Variants in CELSR1 observed in about 807,000 individuals in gnomAD.
CELSR1 encodes the protein adhesion G protein-coupled receptor C1.
CELSR1 carries 110 observed loss-of-function variants against 249.1 expected under a neutral mutation model. The observed-to-expected ratio is 0.44, with a 90% CI of 0.38 to 0.52. CELSR1 has a LOEUF of 0.52. Ranked by LOEUF, CELSR1 falls within the 20% of genes least tolerant of loss-of-function variation. The pLI is 0.00. For synonymous variants in CELSR1, 2,113 were observed against 1,900.0 expected, an observed-to-expected ratio of 1.11 and a Z score of -2.92; for missense variants, 4,109 against 4,296.4, an observed-to-expected ratio of 0.96 and a Z score of 1.22.
intron 19 of CELSR1, among the ~76,000 whole-genome samples, chr22:46,385,725 T>TGC (rs2079025471): frequency 6.7e-6 from 1 of 149,732 alleles, no homozygotes; most frequent in Non-Finnish European, 1.5e-5. Flanking sequence ...TCGCCCAGGC[T>TGC]GGAGTGCAGT....
Position 46,434,716 on chromosome 22 carries a change from G to A in CELSR1, c.4523-1235C>T, listed in dbSNP as rs1483887307. Among the ~76,000 whole-genome samples the A allele has an allele frequency of 5.3e-5, 8 of 152,210 alleles. No individual in the cohort carries two copies. The highest frequency in any genetic ancestry group is 1.5e-5 in the Non-Finnish European group (1 of 68,038). On this transcript the variant is annotated intron_variant, in intron 4 of 34. Transcript: ENST00000674500. This position sits in a 1 kb window ranked among gnomAD's most constrained non-coding sequence, Gnocchi z 4.9. ...CACTCCTGAAAGTCAAGTGTGCCAGGCTGAGCCTGGTGGCTCACATCTGTA... is the reference window on the plus strand; with the variant it reads ...CACTCCTGAAAGTCAAGTGTGCCAGACTGAGCCTGGTGGCTCACATCTGTA...
At chr22:46,457,105 G>C (rs1174848594) in intron 2 of CELSR1, among the ~76,000 whole-genome samples, 1 of 152,226 alleles carries the variant, frequency 6.6e-6, no homozygotes, top group Non-Finnish European at 1.5e-5. Context: ...ACAGCACTTT[G>C]GGAGGCCGAG....
chr22:46,367,972 C>G (rs2078806600), intron 27 of CELSR1, 117 bp from the exon 28 acceptor site: 3 of 1,348,806 alleles, frequency 2.2e-6, no homozygotes, highest in Non-Finnish European at 3.0e-6. Flanking sequence ...ATCTGTCCGT[C>G]CACCTGTCCA....
chr22:46,483,336 A>G (rs5768814), intron 1 of CELSR1, among the ~76,000 whole-genome samples: 130,080 of 150,060 alleles, frequency 0.87, 56,636 homozygotes, highest in East Asian at 1. Context: ...TCTAGGGCGC[A>G]GTCCTCACAG....
chr22:46,400,851 C>G (rs1183903716), intron 9 of CELSR1, among the ~76,000 whole-genome samples: 1 of 151,722 alleles, frequency 6.6e-6, no homozygotes, highest in East Asian at 1.9e-4. Flanking sequence ...ACTTGGGAGG[C>G]TGAGGTGGAA....
intron 2 of CELSR1, among the ~76,000 whole-genome samples, chr22:46,460,631 G>A (rs906731679): frequency 2.0e-5 from 3 of 152,302 alleles, no homozygotes; most frequent in Non-Finnish European, 1.5e-5. Context: ...TGCCTCTCAG[G>A]GTTGTTTAGG....
chr22:46,370,274 T>A, intron 25 of CELSR1: 2 of 381,652 alleles, frequency 5.2e-6, no homozygotes, highest in South Asian at 3.8e-5. Flanking sequence ...GGAACGCATA[T>A]ACCCCCATAC....
Position 46,436,289 on chromosome 22 carries a change from C to T in CELSR1, c.4407G>A (p.Thr1469=). ...RQRFHFTISL[T]FATQERNGLL... The stretch of plus-strand genomic sequence containing the variant: ...AGCCGTTCCTTTCCTGAGTGGCAAA[C>T]CTGTGGGGCCAAGCAGAGGCACATC... Residue 1469 remains threonine, a splice_region_variant and synonymous_variant, in exon 4 of 35, where the codon ACG becomes ACA. Coordinates refer to ENST00000674500, the MANE Select transcript of CELSR1 (RefSeq NM_001378328.1). This position sits in a 1 kb window ranked among gnomAD's most constrained non-coding sequence, Gnocchi z 5.9. 2.5e-6 allele frequency: 4 copies of T among 1,612,996 alleles called. No individual in the cohort carries two copies. Among genetic ancestry groups the T allele is most frequent in the Middle Eastern group, 1.7e-4 (1 of 6,060 alleles).
At chr22:46,455,648 C>A (rs145900668) in intron 2 of CELSR1, among the ~76,000 whole-genome samples, 1 of 152,178 alleles carries the variant, frequency 6.6e-6, no homozygotes, top group African/African-American at 2.4e-5. Flanking sequence ...TTGTGCCGAT[C>A]GGTTACAGCA....
intron 1 of CELSR1, among the ~76,000 whole-genome samples, chr22:46,477,796 G>C (rs2080224740): frequency 6.6e-6 from 1 of 152,148 alleles, no homozygotes. Context: ...TTGAGCCACG[G>C]CACCTGGCCA....
At chr22:46,458,224 C>G (rs1394801081) in intron 2 of CELSR1, among the ~76,000 whole-genome samples, 1 of 152,154 alleles carries the variant, frequency 6.6e-6, no homozygotes, top group Non-Finnish European at 1.5e-5. Context: ...AGAGTGACCT[C>G]AGCCTGGGGA....
chr22:46,455,682 G>A (rs983921352), intron 2 of CELSR1, among the ~76,000 whole-genome samples: 2 of 152,174 alleles, frequency 1.3e-5, no homozygotes, highest in East Asian at 1.9e-4. Flanking sequence ...CACGGAAGCC[G>A]GAGGAGGACT....
At chr22:46,386,288 G>T in intron 19 of CELSR1, 114 bp downstream of exon 19, 2 of 1,208,220 alleles carry the variant, frequency 1.7e-6, no homozygotes, top group African/African-American at 1.6e-5. Context: ...ATTTTTCTAA[G>T]AGCATGGCCA....
In CELSR1 at chr22:46,412,647, C is replaced by A. The variant is rs2079351880; in HGVS notation, c.4612-888G>T. Among the ~76,000 whole-genome samples, 1 of 152,190 alleles carries A rather than the reference C, an allele frequency of 6.6e-6. No homozygotes were observed. The highest frequency in any genetic ancestry group is 2.1e-4 in the South Asian group (1 of 4,830). On this transcript the variant is annotated intron_variant, in intron 5 of 34. Coordinates refer to ENST00000674500, the MANE Select transcript of CELSR1 (RefSeq NM_001378328.1). The surrounding 1 kb of genome is among the most constrained non-coding windows in gnomAD (Gnocchi z 4.5). ...CTTTCCCCAGACAGCCCTCGCAGGT[C>A]TCAGCTCCTGGTCAGTCCCTCCCAG...
In CELSR1 at chr22:46,535,769, C is replaced by G. The variant is rs1485103527; in HGVS notation, c.1402G>C (p.Val468Leu). 2 of 1,612,562 alleles carry G rather than the reference C, an allele frequency of 1.2e-6. No homozygotes were observed. The highest frequency in any genetic ancestry group is 1.7e-5 in the Admixed American group (1 of 60,018). ...GTGTTGAGCCCCACGTCCTCGGGCACCTGGACCACGTAGTTCTGCTCGCTG... is the reference window on the plus strand; with the variant it reads ...GTGTTGAGCCCCACGTCCTCGGGCAGCTGGACCACGTAGTTCTGCTCGCTG... ...QFSEQNYVVQ[V>L]PEDVGLNTAV... Residue 468 changes from valine (V) to leucine (L), a missense_variant, in exon 1 of 35, where the codon GTG becomes CTG. Coordinates refer to ENST00000674500, the MANE Select transcript of CELSR1 (RefSeq NM_001378328.1).
At chr22:46,501,251 G>A (rs1227754686) in intron 1 of CELSR1, among the ~76,000 whole-genome samples, 4 of 139,678 alleles carry the variant, frequency 2.9e-5, no homozygotes, top group Non-Finnish European at 6.0e-5. Context: ...CTGTTGCCCT[G>A]GCTGGAGTGC....
chr22:46,433,285 T>C lies in CELSR1; in HGVS notation c.4611+108A>G. The stretch of plus-strand genomic sequence containing the variant: ...CCTGACCTCAGGTAATCCACCTGCC[T>C]TGGCCTCTCAAAGTGCTGGGATTAC... On this transcript the variant is annotated intron_variant, in intron 5 of 34. Transcript: ENST00000674500. The surrounding 1 kb of genome is among the most constrained non-coding windows in gnomAD (Gnocchi z 5.7). 5.2e-6 allele frequency: 4 copies of C among 773,010 alleles called. No individual in the cohort carries two copies. Among genetic ancestry groups the C allele is most frequent in the Non-Finnish European group, 8.4e-6 (4 of 475,716 alleles). 47.9% of individuals were successfully genotyped at this position (773,010 alleles called of 1,614,324 possible).
chr22:46,537,015 C>A lies in CELSR1; in HGVS notation c.156G>T (p.Val52=). 1 of 1,107,798 alleles carries A rather than the reference C, an allele frequency of 9.0e-7. No individual in the cohort carries two copies. 68.6% of individuals were successfully genotyped at this position (1,107,798 alleles called of 1,614,324 possible). The change falls in exon 1 of 35, where the codon GTG becomes GTT. Residue 52 remains valine, a synonymous_variant. Coordinates refer to ENST00000674500, the MANE Select transcript of CELSR1 (RefSeq NM_001378328.1). The surrounding 1 kb of genome is among the most constrained non-coding windows in gnomAD (Gnocchi z 5.8). ...GCGCCCGGGGCGTGCAAGCGGCGCC[C>A]ACCGCGTAGGTACAGCCGGGCCGGA... ...FALRPGCTYA[V]GAACTPRAPR...
chr22:46,535,851 A>G lies in CELSR1; in HGVS notation c.1320T>C (p.Ser440=). Residue 440 remains serine (S), a synonymous_variant, in exon 1 of 35, where the codon AGT becomes AGC. Coordinates refer to ENST00000674500, the MANE Select transcript of CELSR1 (RefSeq NM_001378328.1). ...NDQGRNPGPL[S]ATATVYIEVE... is the part of the protein sequence containing the mutation. Reference sequence around the variant, plus strand: ...CCTCGATGTACACGGTGGCCGTGGCACTGAGCGGGCCCGGATTGCGCCCCT... The same window carrying G: ...CCTCGATGTACACGGTGGCCGTGGCGCTGAGCGGGCCCGGATTGCGCCCCT... The G allele has an allele frequency of 6.2e-7, 1 of 1,611,480 alleles. No homozygotes were observed. Among genetic ancestry groups the G allele is most frequent in the South Asian group, 1.1e-5 (1 of 91,064 alleles).
Sources: allele counts gnomAD v4.1 joint callset (sites outside exome capture counted in the v4.1 genomes callset), GRCh38; gene constraint gnomAD v4.1.1; non-coding constraint Gnocchi (gnomAD v3.1); transcripts MANE v1.5; gene names NCBI Gene and HGNC (gene_info 2026-07-23, HGNC 2026-07-21).